PACRG: variants seen among roughly 807,000 people sequenced by gnomAD.
The protein encoded by PACRG is parkin coregulated gene protein.
Under a neutral mutation model 29.7 loss-of-function variants are expected in PACRG, and 29 were observed. The ratio of observed to expected loss-of-function variants is 0.98; its 90% confidence interval spans 0.73 to 1.33. PACRG has a LOEUF of 1.33. PACRG is among the 40% of genes most tolerant of loss of function. The pLI, the probability that PACRG is intolerant of heterozygous loss-of-function variation, is 0.00. For synonymous variants in PACRG, 116 were observed against 118.7 expected, an observed-to-expected ratio of 0.98 and a Z score of 0.15; for missense variants, 279 against 316.2, an observed-to-expected ratio of 0.88 and a Z score of 0.89.
intron 2 of PACRG, chr6:163,046,603 G>A (rs546009933): frequency 2.6e-5 from 4 of 151,954 alleles, no homozygotes; most frequent in South Asian, 2.1e-4. Flanking sequence ...CTTTGAACCC[G>A]GGGGTGCCTG....
chr6:162,998,339 G>A (rs1334266372), intron 2 of PACRG, among the ~76,000 whole-genome samples: 1 of 152,166 alleles, frequency 6.6e-6, no homozygotes, highest in Non-Finnish European at 1.5e-5. Flanking sequence ...GGATCTCCAG[G>A]ACTGAGAAAG....
At chr6:162,808,716 T>C (rs959821041) in intron 1 of PACRG, among the ~76,000 whole-genome samples, 5 of 152,322 alleles carry the variant, frequency 3.3e-5, no homozygotes, top group African/African-American at 1.2e-4. Context: ...ACATCCATTC[T>C]TCCCAATTGG....
intron 2 of PACRG, among the ~76,000 whole-genome samples, chr6:162,852,623 C>T (rs1199365600): frequency 6.6e-6 from 1 of 152,154 alleles, no homozygotes; most frequent in Non-Finnish European, 1.5e-5. Flanking sequence ...CTTTTGTTTT[C>T]AATTGGTCCA....
chr6:163,160,789 T>C (rs948569407), intron 4 of PACRG, among the ~76,000 whole-genome samples: 3 of 152,120 alleles, frequency 2.0e-5, no homozygotes, highest in African/African-American at 7.2e-5. Context: ...CAGCTTAATT[T>C]CCCCCCTTGA....
intron 4 of PACRG, among the ~76,000 whole-genome samples, chr6:163,302,996 G>C (rs143662344): frequency 4.6e-5 from 7 of 152,082 alleles, no homozygotes; most frequent in Non-Finnish European, 8.8e-5. Flanking sequence ...TTAGAAATGC[G>C]TTTCCCCATA....
At chr6:162,854,166 GT>G (rs60399122) in intron 2 of PACRG, among the ~76,000 whole-genome samples, 46,265 of 140,198 alleles carry the variant, frequency 0.33, 8,159 homozygotes, top group Non-Finnish European at 0.4. Context: ...TTTTCTTTCT[GT>G]TTTTTTTTTT....
At chr6:163,185,048 A>T (rs1779853910) in intron 4 of PACRG, 1 of 152,232 alleles carries the variant, frequency 6.6e-6, no homozygotes, top group African/African-American at 2.4e-5. Context: ...CAATGCAATT[A>T]ATTAGCAGAA....
intron 1 of PACRG, among the ~76,000 whole-genome samples, chr6:162,749,907 T>G (rs1224759737): frequency 6.6e-6 from 1 of 152,202 alleles, no homozygotes; most frequent in Non-Finnish European, 1.5e-5. Flanking sequence ...TCACCATTGA[T>G]TTATATATGC....
intron 2 of PACRG, among the ~76,000 whole-genome samples, chr6:162,830,184 T>C (rs1788629276): frequency 6.6e-6 from 1 of 152,116 alleles, no homozygotes; most frequent in African/African-American, 2.4e-5. Context: ...CTTGAGCAGT[T>C]TGGGGAATCG....
At chr6:162,986,313 A>G (rs1802886122) in intron 2 of PACRG, among the ~76,000 whole-genome samples, 1 of 152,200 alleles carries the variant, frequency 6.6e-6, no homozygotes, top group African/African-American at 2.4e-5. Context: ...CTCAAACTAT[A>G]CTATAAGGCC....
At chr6:163,126,484 C>T (rs1347207610) in intron 4 of PACRG, among the ~76,000 whole-genome samples, 1 of 152,150 alleles carries the variant, frequency 6.6e-6, no homozygotes. Flanking sequence ...TTTATGAGGG[C>T]ATTTACAAAA....
At chr6:163,104,375 G>A (rs1347872943) in intron 4 of PACRG, among the ~76,000 whole-genome samples, 1 of 152,114 alleles carries the variant, frequency 6.6e-6, no homozygotes, top group Admixed American at 6.5e-5. Flanking sequence ...GATAAAATCT[G>A]TGTATGTAGC....
chr6:162,819,947 C>T (rs1168020146), intron 2 of PACRG, among the ~76,000 whole-genome samples: 2 of 152,158 alleles, frequency 1.3e-5, no homozygotes, highest in Non-Finnish European at 2.9e-5. Context: ...GAAATATTAG[C>T]AGCAGCACAT....
At chr6:162,950,374 G>A (rs1031162256) in intron 2 of PACRG, among the ~76,000 whole-genome samples, 1 of 152,102 alleles carries the variant, frequency 6.6e-6, no homozygotes, top group Non-Finnish European at 1.5e-5. Context: ...CGGGCGTGGT[G>A]GCGAGCGCCT....
At chr6:163,062,745 G>T (rs193277295) in intron 3 of PACRG, among the ~76,000 whole-genome samples, 19 of 152,320 alleles carry the variant, frequency 1.2e-4, no homozygotes, top group Admixed American at 1.1e-3. Flanking sequence ...AAGCCCAGCT[G>T]CATAGGTGAA....
At chr6:162,876,357 C>G (rs1793352712) in intron 2 of PACRG, among the ~76,000 whole-genome samples, 1 of 152,200 alleles carries the variant, frequency 6.6e-6, no homozygotes, top group Non-Finnish European at 1.5e-5. Flanking sequence ...AATATGGCAT[C>G]AGCAACTGCC....
At chr6:163,296,792 A>G (rs761502670) in intron 4 of PACRG, among the ~76,000 whole-genome samples, 5 of 152,200 alleles carry the variant, frequency 3.3e-5, no homozygotes, top group Non-Finnish European at 5.9e-5. Flanking sequence ...TAGACCTGCC[A>G]GTAGCTTTTC....
chr6:163,211,881 T>C (rs1024457969), intron 4 of PACRG, among the ~76,000 whole-genome samples: 1 of 152,172 alleles, frequency 6.6e-6, no homozygotes, highest in Non-Finnish European at 1.5e-5. Context: ...AGCCACCAAA[T>C]GGAGCTGAGC....
Position 162,832,220 on chromosome 6 carries a change from T to A in PACRG, c.291+17939T>A, listed in dbSNP as rs1460201104. ...TCATTCTGACTTGTGTGAGATGATATCTCATTGTGGTTTTGATTTGCATTT... is the reference window on the plus strand; with the variant it reads ...TCATTCTGACTTGTGTGAGATGATAACTCATTGTGGTTTTGATTTGCATTT... On this transcript the variant is annotated intron_variant, in intron 2 of 4. Coordinates refer to ENST00000366888, the MANE Select transcript of PACRG (RefSeq NM_001080379.2). Among the ~76,000 whole-genome samples the A allele has an allele frequency of 3.3e-5, 5 of 152,222 alleles. No homozygotes were observed. The East Asian group carries it at 9.6e-4, about 29-fold the overall frequency.
Sources: allele counts gnomAD v4.1 joint callset (sites outside exome capture counted in the v4.1 genomes callset), GRCh38; gene constraint gnomAD v4.1.1; transcripts MANE v1.5; gene names NCBI Gene and HGNC (gene_info 2026-07-23, HGNC 2026-07-21).